SLC23A1: variants seen among roughly 807,000 people sequenced by gnomAD.
SLC23A1 encodes Na(+)/L-ascorbic acid transporter 1.
SLC23A1 carries 31 observed loss-of-function variants against 62.5 expected under a neutral mutation model. The ratio of observed to expected loss-of-function variants is 0.50; its 90% CI spans 0.37 to 0.67. The LOEUF is 0.67. Among genes scored for constraint, SLC23A1 ranks in the 30% least tolerant of loss-of-function variants. The pLI is 0.00. For missense variants in SLC23A1, 640 were observed against 782.7 expected, an observed-to-expected ratio of 0.82 and a Z score of 2.18; for synonymous variants, 271 against 313.2, an observed-to-expected ratio of 0.87 and a Z score of 1.42.
Position 139,379,340 on chromosome 5 carries a change from G to T in SLC23A1, c.940C>A (p.Pro314Thr). Reference sequence around the variant, plus strand: ...AGGACAGCAGCCGCAGTCACCGTGGGCAGGCCCCACTGACCTGTGCTCGGA... The same window carrying T: ...AGGACAGCAGCCGCAGTCACCGTGGTCAGGCCCCACTGACCTGTGCTCGGA... ...RIPYPCQWGL[P>T]TVTAAAVLGM... The change falls in exon 9 of 15, where the codon CCC becomes ACC. Residue 314 changes from proline to threonine, a missense_variant. Physicochemically the swap from Pro to Thr is conservative, Grantham distance 38. Coordinates refer to ENST00000348729, the MANE Select transcript of SLC23A1 (RefSeq NM_005847.5). The surrounding 1 kb of genome is among the most constrained non-coding windows in gnomAD (Gnocchi z 4.7). The T allele has an allele frequency of 6.2e-7, 1 of 1,614,150 alleles. No homozygotes were observed. Among genetic ancestry groups the T allele is most frequent in the Non-Finnish European group, 8.5e-7 (1 of 1,179,998 alleles).
At chr5:139,368,255 G>A (rs1360680046) in intron 14 of SLC23A1, among the ~76,000 whole-genome samples, 3 of 152,106 alleles carry the variant, frequency 2.0e-5, no homozygotes, top group Non-Finnish European at 4.4e-5. Context: ...CAGGAGAATG[G>A]TGTGAACCCG....
chr5:139,385,079 C>A (rs180959065), upstream of SLC23A1, among the ~76,000 whole-genome samples: 1 of 152,356 alleles, frequency 6.6e-6, no homozygotes, highest in East Asian at 1.9e-4. Context: ...TACTACTCAG[C>A]CAGGGACTTG....
At chr5:139,377,743 G>A (rs1055317622) in intron 12 of SLC23A1, among the ~76,000 whole-genome samples, 3 of 152,242 alleles carry the variant, frequency 2.0e-5, no homozygotes, top group African/African-American at 7.2e-5. Flanking sequence ...AATGATAAAT[G>A]TAGATAAATG....
At chr5:139,374,827 C>T (rs1757867200) in intron 13 of SLC23A1, among the ~76,000 whole-genome samples, 2 of 152,142 alleles carry the variant, frequency 1.3e-5, no homozygotes, top group Non-Finnish European at 2.9e-5. Flanking sequence ...AGATGCCTAC[C>T]CAGATGCTCT....
rs1758079245 is a variant in SLC23A1 at position 139,378,724 on chromosome 5, G to A, written c.1074-40C>T. 2 of 1,421,636 alleles carry A rather than the reference G, an allele frequency of 1.4e-6. No individual in the cohort carries two copies. Among genetic ancestry groups the A allele is most frequent in the Non-Finnish European group, 2.0e-6 (2 of 1,024,560 alleles). The allele number at this position is 1,421,636 out of a possible 1,614,324, so 88.1% of individuals were successfully genotyped here. A position where few individuals can be genotyped will look rare whatever the true frequency, so the allele number is the denominator to read the frequency against. ...AGAGTCGGGGCTTGGTCCAGCCTCT[G>A]CACCAGTCTGTGTTCCCCCATCATC... is the stretch of plus-strand genomic sequence containing the variant. On this transcript the variant is annotated intron_variant, in intron 9 of 14. Transcript: ENST00000348729. This position sits in a 1 kb window ranked among gnomAD's most constrained non-coding sequence, Gnocchi z 4.5.
At chr5:139,370,120 G>A (rs1320927226) in intron 14 of SLC23A1, among the ~76,000 whole-genome samples, 1 of 152,196 alleles carries the variant, frequency 6.6e-6, no homozygotes, top group Admixed American at 6.5e-5. Context: ...CTGGCAGTGG[G>A]TATGGGGGAG....
chr5:139,373,516 G>A (rs1367970454), intron 13 of SLC23A1, among the ~76,000 whole-genome samples: 1 of 152,126 alleles, frequency 6.6e-6, no homozygotes, highest in African/African-American at 2.4e-5. Context: ...CCTCAGGTGG[G>A]GCAGGGTCAC....
intron 13 of SLC23A1, among the ~76,000 whole-genome samples, chr5:139,375,749 C>T (rs1163969054): frequency 6.6e-5 from 10 of 150,810 alleles, no homozygotes; most frequent in Admixed American, 5.3e-4. Flanking sequence ...GCAAGAGAAT[C>T]GGTTGAGCTC....
At position 139,380,545 on chromosome 5, in the gene SLC23A1, A is replaced by C; in HGVS notation, c.465+20T>G. ...CCCTCCTCAGGACCCGGCCTCTTCTATGCTTACATGCAAACCCACCTCCCG... is the reference window on the plus strand; with the variant it reads ...CCCTCCTCAGGACCCGGCCTCTTCTCTGCTTACATGCAAACCCACCTCCCG... On this transcript the variant is annotated intron_variant, in intron 5 of 14. Coordinates refer to ENST00000348729, the MANE Select transcript of SLC23A1 (RefSeq NM_005847.5). The C allele has an allele frequency of 3.1e-6, 5 of 1,613,010 alleles. No homozygotes were observed. The highest frequency in any genetic ancestry group is 4.2e-6 in the Non-Finnish European group (5 of 1,179,036).
chr5:139,379,891 C>A lies in SLC23A1; in HGVS notation c.769-57G>T. On this transcript the variant is annotated intron_variant, in intron 7 of 14. Coordinates refer to ENST00000348729, the MANE Select transcript of SLC23A1 (RefSeq NM_005847.5). The surrounding 1 kb of genome is among the most constrained non-coding windows in gnomAD (Gnocchi z 4.7). ...CACTGGAGGTCTCTGTCCAGGCTAA[C>A]CTGCTCCCACCTCAGCCCAAGCCCT... The A allele has an allele frequency of 6.2e-7, 1 of 1,613,898 alleles. No homozygotes were observed. Among genetic ancestry groups the A allele is most frequent in the Non-Finnish European group, 8.5e-7 (1 of 1,179,826 alleles).
chr5:139,373,758 GCA>G (rs77454515), intron 13 of SLC23A1, among the ~76,000 whole-genome samples: 8,456 of 152,178 alleles, frequency 0.056, 397 homozygotes, highest in African/African-American at 0.12. Flanking sequence ...TCTACAAAGG[GCA>G]CACACAGTCT....
chr5:139,380,137 A>C, intron 6 of SLC23A1, 61 bp from the exon 7 acceptor site: 3 of 1,567,278 alleles, frequency 1.9e-6, no homozygotes, highest in Non-Finnish European at 2.6e-6. Flanking sequence ...AGGAGCCGGG[A>C]AGAAGGACCA....
Position 139,379,660 on chromosome 5 carries a change from C to G in SLC23A1, c.925+18G>C. 6.3e-7 allele frequency: 1 copy of G among 1,598,346 alleles called. No homozygotes were observed. Among genetic ancestry groups the G allele is most frequent in the African/African-American group, 1.3e-5 (1 of 74,670 alleles). On this transcript the variant is annotated intron_variant, in intron 8 of 14. Transcript: ENST00000348729. This position sits in a 1 kb window ranked among gnomAD's most constrained non-coding sequence, Gnocchi z 4.7. ...TGGTCTCAGTTGGGGGCAGAGGGGC[C>G]CAAGGGGTGTTGCTCACAGGGGTAG...
intron 14 of SLC23A1, among the ~76,000 whole-genome samples, chr5:139,371,697 A>G (rs1453212402): frequency 2.6e-5 from 4 of 152,240 alleles, no homozygotes; most frequent in Admixed American, 2.0e-4. Context: ...AAGGACTCCA[A>G]TTGGCCCAGA....
At position 139,378,474 on chromosome 5, in the gene SLC23A1, C is replaced by A; in HGVS notation, c.1179+105G>T. ...GCTGGGGCTTGATGCGGGGGCGAGG[C>A]CTCTCAAAGACAGGGTGGGGCTAAA... On this transcript the variant is annotated intron_variant, in intron 10 of 14. Coordinates refer to ENST00000348729, the MANE Select transcript of SLC23A1 (RefSeq NM_005847.5). This position sits in a 1 kb window ranked among gnomAD's most constrained non-coding sequence, Gnocchi z 4.5. 7.0e-7 allele frequency: 1 copy of A among 1,421,824 alleles called. No homozygotes were observed. Among genetic ancestry groups the A allele is most frequent in the South Asian group, 1.3e-5 (1 of 79,376 alleles). 88.1% of individuals were successfully genotyped at this position (1,421,824 alleles called of 1,614,324 possible).
chr5:139,375,094 C>A (rs1190489518), intron 13 of SLC23A1, among the ~76,000 whole-genome samples: 1 of 152,210 alleles, frequency 6.6e-6, no homozygotes, highest in Non-Finnish European at 1.5e-5. Flanking sequence ...CAGCCTCTGA[C>A]ACCTATGTTA....
At position 139,372,103 on chromosome 5, in the gene SLC23A1, A is replaced by G. The variant is rs1757701559; in HGVS notation, c.1700T>C (p.Val567Ala). 5 of 1,613,412 alleles carry G rather than the reference A, an allele frequency of 3.1e-6. No homozygotes were observed. The highest frequency in any genetic ancestry group is 4.2e-6 in the Non-Finnish European group (5 of 1,179,262). ...TGAACTTGAAGAAAATCCTTTGAAG[A>G]CTGGGCAGATAGGAATGTATTTCAG... ...TFLKYIPICPVFKGFSSSSKD... is the reference protein window; with the variant it reads ...TFLKYIPICPAFKGFSSSSKD... The change falls in exon 14 of 15, where the codon GTC becomes GCC. Residue 567 changes from valine (V) to alanine (A), a missense_variant. Physicochemically the swap from Val to Ala is moderately conservative, Grantham distance 64 (BLOSUM62 0). Transcript: ENST00000348729.
chr5:139,372,589 A>AT (rs61083391), intron 13 of SLC23A1, among the ~76,000 whole-genome samples: 1,529 of 151,830 alleles, frequency 0.01, 33 homozygotes, highest in African/African-American at 0.035. Flanking sequence ...ATTTTATTTT[A>AT]TTTATTTATT....
intron 2 of SLC23A1, chr5:139,382,250 G>A (rs983969559): frequency 2.1e-5 from 13 of 612,564 alleles, no homozygotes; most frequent in African/African-American, 1.1e-4. Flanking sequence ...ATATTCCTGC[G>A]GCTTCCGTGG....
Sources: gnomAD v4.1 joint callset for allele counts (sites outside exome capture counted in the v4.1 genomes callset) on GRCh38, gnomAD v4.1.1 for gene constraint, Gnocchi (gnomAD v3.1) non-coding constraint, MANE v1.5 for transcripts, NCBI Gene and HGNC (gene_info 2026-07-23, HGNC 2026-07-21) for gene names.